The following RTN4 variants were observed in gnomAD, a reference collection of about 807,000 sequenced individuals.
RTN4 encodes the protein reticulon 4, also known as reticulon-4.
RTN4 carries 32 observed loss-of-function variants against 90.4 expected under a neutral mutation model. The ratio of observed to expected loss-of-function variants is 0.35; its 90% CI spans 0.27 to 0.48. The LOEUF is 0.48. RTN4 is among the 20% of genes least tolerant of loss of function. The probability of loss-of-function intolerance (pLI) is 0.99; values close to 1 mark genes in which losing one functional copy is unlikely to be tolerated. For missense variants in RTN4, 1,706 were observed against 1,430.2 expected, an observed-to-expected ratio of 1.19 and a Z score of -3.11; for synonymous variants, 629 against 552.5, an observed-to-expected ratio of 1.14 and a Z score of -1.94.
the RTN4 span, among the ~76,000 whole-genome samples, chr2:55,133,289 G>A: frequency 7.9e-5 from 12 of 152,198 alleles, no homozygotes; most frequent in African/African-American, 2.9e-4. Context: ...AAGATGTGTT[G>A]ATACAGGCAT....
intron 2 of RTN4, among the ~76,000 whole-genome samples, chr2:55,070,551 A>AG (rs1289083009): frequency 3.5e-5 from 5 of 143,398 alleles, no homozygotes; most frequent in Non-Finnish European, 7.9e-5. Flanking sequence ...GTCTCAAAAA[A>AG]AAAAAAAAAA....
intron 1 of RTN4, chr2:55,049,318 G>T (rs1480036206): frequency 1.1e-5 from 3 of 268,440 alleles, no homozygotes; most frequent in South Asian, 1.8e-4. Flanking sequence ...GAGCAACCCA[G>T]ACGGGTAGAC....
chr2:55,043,316 T>C (rs1683195706), intron 1 of RTN4, among the ~76,000 whole-genome samples: 1 of 152,212 alleles, frequency 6.6e-6, no homozygotes. Context: ...TTTACTTCTA[T>C]TTATTTAAGG....
chr2:54,985,806 A>G (rs887880873), intron 4 of RTN4, among the ~76,000 whole-genome samples: 2 of 152,260 alleles, frequency 1.3e-5, no homozygotes, highest in African/African-American at 4.8e-5. Context: ...GTAGGTAGGT[A>G]CATAGTCATA....
chr2:55,137,814 C>T, the RTN4 span, among the ~76,000 whole-genome samples: 1 of 152,194 alleles, frequency 6.6e-6, no homozygotes, highest in African/African-American at 2.4e-5. Context: ...CTGCCGCAGG[C>T]CTGTGCAGCG....
intron 5 of RTN4, among the ~76,000 whole-genome samples, chr2:54,978,363 A>C (rs563843872): frequency 2.4e-3 from 366 of 151,198 alleles, no homozygotes; most frequent in Non-Finnish European, 4.4e-3. Flanking sequence ...CTGGAAGGCA[A>C]AGGTTGCAGT....
intron 2 of RTN4, among the ~76,000 whole-genome samples, chr2:55,078,327 C>T (rs1216890753): frequency 6.6e-6 from 1 of 152,140 alleles, no homozygotes; most frequent in African/African-American, 2.4e-5. Flanking sequence ...CAGCCTCAAC[C>T]TCCTGGGCTC....
At position 55,049,936 on chromosome 2, in the gene RTN4, G is replaced by C. The variant is rs1668006318; in HGVS notation, c.365C>G (p.Pro122Arg). 2 of 1,344,966 alleles carry C rather than the reference G, an allele frequency of 1.5e-6. No individual in the cohort carries two copies. The highest frequency in any genetic ancestry group is 1.9e-6 in the Non-Finnish European group (2 of 1,054,324). The allele number at this position is 1,344,966 out of a possible 1,614,324, so 83.3% of individuals were successfully genotyped here. A position where few individuals can be genotyped will look rare whatever the true frequency, so the allele number is the denominator to read the frequency against. Residue 122 changes from proline (P) to arginine (R), a missense_variant, in exon 1 of 9, where the codon CCG (proline) becomes CGG (arginine). Pro to Arg is a moderately radical substitution (Grantham distance 103). Coordinates refer to ENST00000337526, the MANE Select transcript of RTN4 (RefSeq NM_020532.5). ...GGGCGAGACTGCGGCAGCAGACAGC[G>C]GGGATGGCGCGGGCACGGTCGACGA... ...PVSSTVPAPS[P>R]LSAAAVSPSK...
At chr2:55,125,770 AT>A in the RTN4 span, among the ~76,000 whole-genome samples, 1 of 152,048 alleles carries the variant, frequency 6.6e-6, no homozygotes, top group Admixed American at 6.6e-5. Flanking sequence ...TGTCTCAAAA[AT>A]TTTAAAAAAG....
At chr2:55,125,306 A>G in the RTN4 span, among the ~76,000 whole-genome samples, 1 of 152,196 alleles carries the variant, frequency 6.6e-6, no homozygotes, top group Admixed American at 6.5e-5. Context: ...GAAACTATCA[A>G]TGGTAAACAG....
chr2:55,123,548 A>G, the RTN4 span, among the ~76,000 whole-genome samples: 4 of 152,218 alleles, frequency 2.6e-5, no homozygotes, highest in Non-Finnish European at 5.9e-5. Context: ...TTGAAAATGA[A>G]GTTGCTAAAA....
chr2:55,026,424 A>G lies in RTN4; in HGVS notation c.1675T>C (p.Cys559Arg), dbSNP rs1681879759. Residue 559 changes from cysteine (C) to arginine (R), a missense_variant, in exon 3 of 9, where the codon TGT becomes CGT. Physicochemically the swap from Cys to Arg is radical, Grantham distance 180. Transcript: ENST00000337526. Reference sequence around the variant, plus strand: ...GTAACTTCATTCAATTCACTTTCACATGCTTCCTGTACTAAATCTGGAGTC... The same window carrying G: ...GTAACTTCATTCAATTCACTTTCACGTGCTTCCTGTACTAAATCTGGAGTC... ...GLTPDLVQEA[C>R]ESELNEVTGT... The G allele has an allele frequency of 6.2e-7, 1 of 1,613,884 alleles. No homozygotes were observed. The highest frequency in any genetic ancestry group is 8.5e-7 in the Non-Finnish European group (1 of 1,179,898).
chr2:55,008,819 G>A (rs1283091746), intron 3 of RTN4, among the ~76,000 whole-genome samples: 1 of 151,910 alleles, frequency 6.6e-6, no homozygotes, highest in Non-Finnish European at 1.5e-5. Context: ...TACTTTTAAG[G>A]CCTGTATTTA....
intron 1 of RTN4, chr2:55,049,523 G>C: frequency 1.4e-6 from 1 of 711,834 alleles, no homozygotes; most frequent in Non-Finnish European, 2.4e-6. Context: ...CGGTGCACGT[G>C]TTCCCCGAAA....
intron 1 of RTN4, among the ~76,000 whole-genome samples, chr2:55,101,737 T>C (rs886315681): frequency 1.3e-5 from 2 of 152,098 alleles, no homozygotes; most frequent in Admixed American, 1.3e-4. Flanking sequence ...GTGGATATCC[T>C]GGAGCATAGG....
chr2:55,127,213 G>C, the RTN4 span, among the ~76,000 whole-genome samples: 1 of 152,162 alleles, frequency 6.6e-6, no homozygotes, highest in Non-Finnish European at 1.5e-5. Context: ...TGGCCTTAGA[G>C]CCAGGAGCCC....
At chr2:55,023,661 C>A (rs1274950792) in intron 3 of RTN4, among the ~76,000 whole-genome samples, 1 of 152,054 alleles carries the variant, frequency 6.6e-6, no homozygotes, top group Non-Finnish European at 1.5e-5. Flanking sequence ...ACCTCCACTG[C>A]ATACTCTCCT....
Position 54,973,384 on chromosome 2 carries a change from A to ATAAT in RTN4, c.3536+175_3536+178dup, listed in dbSNP as rs1677301315. 4.0e-6 allele frequency: 3 copies of ATAAT among 757,860 alleles called. No homozygotes were observed. In the African/African-American group the frequency reaches 5.3e-5, roughly 13 times the overall value. The allele number at this position is 757,860 out of a possible 1,614,324, so 46.9% of individuals were successfully genotyped here. On this transcript the variant is annotated intron_variant, in intron 8 of 8. Transcript: ENST00000337526. ...TAGATTTAAACAAAGCCTTAAACAC[A>ATAAT]TAATAAACCCAGAAACGAATGGTCC...
the RTN4 span, among the ~76,000 whole-genome samples, chr2:55,120,015 A>G: frequency 2.0e-5 from 3 of 152,198 alleles, no homozygotes; most frequent in African/African-American, 7.2e-5. Flanking sequence ...ATTGCAAGTG[A>G]CTGTAAAATG....
Sources: allele counts gnomAD v4.1 joint callset (sites outside exome capture counted in the v4.1 genomes callset), GRCh38; gene constraint gnomAD v4.1.1; transcripts MANE v1.5; gene names NCBI Gene and HGNC (gene_info 2026-07-23, HGNC 2026-07-21).